AXDND1: variants seen among roughly 807,000 people sequenced by gnomAD.
The protein encoded by AXDND1 is axonemal dynein light chain domain containing 1.
In AXDND1, 110 loss-of-function variants were observed where a neutral mutation model predicts 137.5. That is an observed-to-expected ratio of 0.80 (90% CI 0.69 to 0.94). The LOEUF is 0.94. Among genes scored for constraint, AXDND1 ranks in the 40% least tolerant of loss-of-function variants. AXDND1 has a pLI of 0.00. For missense variants in AXDND1, 1,191 were observed against 1,169.8 expected, an observed-to-expected ratio of 1.02 and a Z score of -0.26; for synonymous variants, 414 against 399.7, an observed-to-expected ratio of 1.04 and a Z score of -0.43.
In AXDND1 at chr1:179,483,225, T is replaced by C. The variant is rs750455255; in HGVS notation, c.2091+4T>C. The C allele has an allele frequency of 2.5e-6, 4 of 1,587,972 alleles. No homozygotes were observed. The highest frequency in any genetic ancestry group is 1.2e-5 in the South Asian group (1 of 86,624). On this transcript the variant is annotated splice_donor_region_variant and intron_variant, in intron 18 of 25. Coordinates refer to ENST00000367618, the MANE Select transcript of AXDND1 (RefSeq NM_144696.6). ...TAACATTGAACTTCAGCACCACGTA[T>C]GTACTTGTAAGGGTTTTTGACGTTA...
chr1:179,454,726 C>G (rs537799862), intron 16 of AXDND1: 1 of 152,078 alleles, frequency 6.6e-6, no homozygotes, highest in Non-Finnish European at 1.5e-5. Flanking sequence ...TACTGACTTT[C>G]GAGTAGCTAT....
intron 16 of AXDND1, among the ~76,000 whole-genome samples, chr1:179,464,872 A>G (rs1662900539): frequency 6.6e-6 from 1 of 152,050 alleles, no homozygotes; most frequent in Non-Finnish European, 1.5e-5. Context: ...TTCGATCTTC[A>G]ATCACTGATA....
At chr1:179,552,748 G>A (rs1673500791) in intron 25 of AXDND1, 1 of 1,229,550 alleles carries the variant, frequency 8.1e-7, no homozygotes, top group South Asian at 1.3e-5. Flanking sequence ...CTTTCACACA[G>A]ACTTGCAAGC....
At chr1:179,448,090 T>A in intron 16 of AXDND1, 1 of 1,033,454 alleles carries the variant, frequency 9.7e-7, no homozygotes, top group Non-Finnish European at 1.5e-6. Context: ...CTGCATCATA[T>A]TATCAAATTC....
At chr1:179,442,766 C>A (rs549942325) in intron 15 of AXDND1, among the ~76,000 whole-genome samples, 1 of 152,290 alleles carries the variant, frequency 6.6e-6, no homozygotes, top group Non-Finnish European at 1.5e-5. Context: ...TCTGTTCCAG[C>A]AGACCTTCTT....
At chr1:179,424,260 G>A (rs895502039) in intron 12 of AXDND1, among the ~76,000 whole-genome samples, 22 of 151,826 alleles carry the variant, frequency 1.4e-4, no homozygotes, top group Non-Finnish European at 7.4e-5. Flanking sequence ...CATGTTATTT[G>A]CTTCTTTACT....
chr1:179,402,937 G>T (rs1003165410), intron 11 of AXDND1, among the ~76,000 whole-genome samples: 17 of 152,130 alleles, frequency 1.1e-4, no homozygotes, highest in African/African-American at 4.1e-4. Context: ...AGCAGCATTT[G>T]TCACAATGGA....
At chr1:179,455,953 CCAA>C (rs1433676118) in intron 16 of AXDND1, 17 of 173,498 alleles carry the variant, frequency 9.8e-5, no homozygotes, top group South Asian at 4.9e-4. Context: ...AGCATGGGTG[CCAA>C]AAAAAAAAAA....
intron 12 of AXDND1, among the ~76,000 whole-genome samples, chr1:179,428,670 G>GC (rs1163766912): frequency 1.3e-5 from 2 of 152,180 alleles, no homozygotes; most frequent in Non-Finnish European, 2.9e-5. Flanking sequence ...TTTTCTAGCA[G>GC]CTACATGACG....
intron 8 of AXDND1, among the ~76,000 whole-genome samples, chr1:179,383,888 CT>C (rs1353215069): frequency 3.9e-5 from 6 of 152,040 alleles, no homozygotes; most frequent in African/African-American, 1.4e-4. Flanking sequence ...CTAAAAAACA[CT>C]GCCAGGTATA....
At chr1:179,484,065 A>G (rs1665738986) in intron 18 of AXDND1, among the ~76,000 whole-genome samples, 1 of 152,180 alleles carries the variant, frequency 6.6e-6, no homozygotes, top group Non-Finnish European at 1.5e-5. Flanking sequence ...GAAACCCTGC[A>G]CAGGGATACC....
chr1:179,369,153 C>T (rs1366782963), intron 3 of AXDND1, among the ~76,000 whole-genome samples, 181 bp downstream of exon 3: 4 of 152,206 alleles, frequency 2.6e-5, no homozygotes, highest in African/African-American at 9.6e-5. Context: ...TCATTGCTCA[C>T]TGCAGCCTCG....
chr1:179,432,184 T>A, intron 14 of AXDND1, 83 bp from the exon 15 acceptor site: 1 of 1,429,474 alleles, frequency 7.0e-7, no homozygotes, highest in Non-Finnish European at 9.3e-7. Context: ...ATATGTTAGT[T>A]GTTTAGTCTT....
intron 12 of AXDND1, among the ~76,000 whole-genome samples, chr1:179,418,135 G>C (rs886665368): frequency 6.6e-6 from 1 of 151,530 alleles, no homozygotes; most frequent in Non-Finnish European, 1.5e-5. Flanking sequence ...AGGACCCTGC[G>C]GCCTTCCGCA....
intron 17 of AXDND1, among the ~76,000 whole-genome samples, chr1:179,479,475 C>CA (rs55719902): frequency 0.33 from 44,162 of 133,460 alleles, 8,916 homozygotes; most frequent in South Asian, 0.43. Flanking sequence ...AACTCTGTCT[C>CA]AAAAAAAAAA....
At chr1:179,538,941 A>T (rs1671822355) in intron 25 of AXDND1, among the ~76,000 whole-genome samples, 1 of 151,854 alleles carries the variant, frequency 6.6e-6, no homozygotes, top group African/African-American at 2.4e-5. Flanking sequence ...CTTTACCATT[A>T]TGTAATGGCC....
rs1163901312 is a variant in AXDND1, at chr1:179,445,163, A to G, written c.1757A>G (p.Lys586Arg). 1 of 1,609,450 alleles carries G rather than the reference A, an allele frequency of 6.2e-7. No individual in the cohort carries two copies. Among genetic ancestry groups the G allele is most frequent in the Non-Finnish European group, 8.5e-7 (1 of 1,177,190 alleles). Residue 586 changes from lysine (K) to arginine (R), a missense_variant, in exon 16 of 26, where the codon AAA becomes AGA. Physicochemically the swap from Lys to Arg is conservative, Grantham distance 26. Transcript: ENST00000367618. Reference sequence around the variant, plus strand: ...GAGGAAATTATCAAAAACATACAAAAACTCTACAAAGAATATGAAATAAGA... The same window carrying G: ...GAGGAAATTATCAAAAACATACAAAGACTCTACAAAGAATATGAAATAAGA... ...YMEEIIKNIQ[K>R]LYKEYEIRIN...
At chr1:179,448,171 CT>C in intron 16 of AXDND1, 1 of 916,864 alleles carries the variant, frequency 1.1e-6, no homozygotes, top group Non-Finnish European at 1.8e-6. Flanking sequence ...CTGTCGCACC[CT>C]CTGTGTTCCT....
At chr1:179,511,191 G>A (rs1440890154) in intron 21 of AXDND1, among the ~76,000 whole-genome samples, 1 of 151,424 alleles carries the variant, frequency 6.6e-6, no homozygotes, top group Non-Finnish European at 1.5e-5. Flanking sequence ...AGTTTCTCCA[G>A]TCTCATCCAG....
Sources: allele counts gnomAD v4.1 joint callset (sites outside exome capture counted in the v4.1 genomes callset), GRCh38; gene constraint gnomAD v4.1.1; transcripts MANE v1.5; gene names NCBI Gene and HGNC (gene_info 2026-07-23, HGNC 2026-07-21).